Variants in PAPPA observed in about 807,000 individuals in gnomAD.
PAPPA encodes pappalysin-1.
Under a neutral mutation model 164.0 loss-of-function variants are expected in PAPPA, and 60 were observed. That is an observed-to-expected ratio of 0.37 (90% confidence interval 0.30 to 0.45). PAPPA has a LOEUF of 0.45. PAPPA is among the 20% of genes least tolerant of loss of function. The probability of loss-of-function intolerance (pLI) is 1.00; values close to 1 mark genes in which losing one functional copy is unlikely to be tolerated. For missense variants in PAPPA, 1,782 were observed against 2,087.3 expected, an observed-to-expected ratio of 0.85 and a Z score of 2.85; for synonymous variants, 875 against 814.1, an observed-to-expected ratio of 1.07 and a Z score of -1.27.
chr9:116,160,446 C>T (rs1191749736), intron 1 of PAPPA, among the ~76,000 whole-genome samples: 1 of 152,228 alleles, frequency 6.6e-6, no homozygotes. Flanking sequence ...GAAAGGGAAG[C>T]TCAGCTCTAA....
intron 10 of PAPPA, among the ~76,000 whole-genome samples, chr9:116,319,842 C>T (rs1050926136): frequency 3.3e-5 from 5 of 152,080 alleles, no homozygotes; most frequent in Admixed American, 6.5e-5. Flanking sequence ...ACTGGCTTCC[C>T]GGGAATGTGG....
At chr9:116,301,078 A>G (rs937516751) in intron 9 of PAPPA, among the ~76,000 whole-genome samples, 2 of 152,022 alleles carry the variant, frequency 1.3e-5, no homozygotes, top group African/African-American at 2.4e-5. Flanking sequence ...TTTGGCCCTA[A>G]ATTCAGTGCC....
chr9:116,354,764 T>C (rs1315382667), intron 17 of PAPPA, among the ~76,000 whole-genome samples: 1 of 152,180 alleles, frequency 6.6e-6, no homozygotes, highest in Admixed American at 6.5e-5. Flanking sequence ...TTTCCTGTTT[T>C]AATTCCTGTG....
chr9:116,175,236 G>A (rs967934838), intron 1 of PAPPA, among the ~76,000 whole-genome samples: 2 of 152,136 alleles, frequency 1.3e-5, no homozygotes, highest in African/African-American at 4.8e-5. Context: ...AAATCAGGGC[G>A]CCCTCCAGTA....
intron 8 of PAPPA, among the ~76,000 whole-genome samples, chr9:116,268,395 A>G (rs944250684): frequency 6.6e-6 from 1 of 152,248 alleles, no homozygotes; most frequent in African/African-American, 2.4e-5. Flanking sequence ...TTGAACAACT[A>G]AACAGAGGAC....
chr9:116,273,643 G>A (rs1278726898), intron 9 of PAPPA, among the ~76,000 whole-genome samples: 4 of 151,966 alleles, frequency 2.6e-5, no homozygotes, highest in African/African-American at 4.8e-5. Flanking sequence ...GAGTGGTGGC[G>A]GGCACCCATA....
At chr9:116,197,816 G>A (rs989582493) in intron 2 of PAPPA, among the ~76,000 whole-genome samples, 2 of 152,154 alleles carry the variant, frequency 1.3e-5, no homozygotes, top group Non-Finnish European at 2.9e-5. Context: ...ATGGGACTAT[G>A]GTCCAGATTA....
intron 10 of PAPPA, 114 bp downstream of exon 10, chr9:116,303,064 C>G (rs1482415204): frequency 1.3e-6 from 1 of 758,644 alleles, no homozygotes; most frequent in African/African-American, 1.8e-5. Flanking sequence ...TTGAGCATAT[C>G]TTTATTAAAT....
rs1554750322 is a variant in PAPPA at position 116,305,176 on chromosome 9, C to CACACAT, written c.3147+2226_3147+2227insACACAT. ...ACACACACACACACACACACACACA[C>CACACAT]GGAGTCTGCATAATTAGAGGTAAAG... On this transcript the variant is annotated intron_variant, in intron 10 of 21. Coordinates refer to ENST00000328252, the MANE Select transcript of PAPPA (RefSeq NM_002581.5). 5.2e-4 allele frequency among the ~76,000 whole-genome samples: 77 copies of CACACAT among 149,382 alleles called. 1 individual carries two copies. Among genetic ancestry groups the CACACAT allele is most frequent in the Middle Eastern group, 3.6e-3 (1 of 278 alleles).
chr9:116,282,915 C>G (rs915529462), intron 9 of PAPPA, among the ~76,000 whole-genome samples: 1 of 152,188 alleles, frequency 6.6e-6, no homozygotes, highest in Non-Finnish European at 1.5e-5. Context: ...CACTGACTTT[C>G]TCTAAGCCAA....
At position 116,154,872 on chromosome 9, in the gene PAPPA, C is replaced by G. The variant is rs1843582873; in HGVS notation, c.415+285C>G. On this transcript the variant is annotated intron_variant, in intron 1 of 21. Transcript: ENST00000328252. This position sits in a 1 kb window ranked among gnomAD's most constrained non-coding sequence, Gnocchi z 5.2. ...GGCCAGTGAGGGCTGGTTCCCGGAG[C>G]CTAGGGCACGTAACCCGTGCTCCGA... Among the ~76,000 whole-genome samples, 1 of 152,200 alleles carries G rather than the reference C, an allele frequency of 6.6e-6. No individual in the cohort carries two copies. Among genetic ancestry groups the G allele is most frequent in the Admixed American group, 6.5e-5 (1 of 15,290 alleles).
chr9:116,282,794 G>A (rs528001936), intron 9 of PAPPA, among the ~76,000 whole-genome samples: 27 of 152,292 alleles, frequency 1.8e-4, no homozygotes, highest in African/African-American at 6.0e-4. Flanking sequence ...AATGCAGGAA[G>A]CTAAAGAAAT....
chr9:116,250,686 A>G (rs1313579913), intron 7 of PAPPA, among the ~76,000 whole-genome samples: 1 of 152,272 alleles, frequency 6.6e-6, no homozygotes, highest in Non-Finnish European at 1.5e-5. Context: ...TCAGACCAGG[A>G]AAGATTATTG....
In PAPPA at chr9:116,257,920, AT is replaced by A. The variant is rs2118795020; in HGVS notation, c.2733-7936del. Among the ~76,000 whole-genome samples, 2 of 152,102 alleles carry A rather than the reference AT, an allele frequency of 1.3e-5. 1 individual carries two copies. Among genetic ancestry groups the A allele is most frequent in the African/African-American group, 4.8e-5 (2 of 41,558 alleles). On this transcript the variant is annotated intron_variant, in intron 7 of 21. Transcript: ENST00000328252. ...AATACAAATAAACCTACACGTAATT[AT>A]GTGTATGTGTGTGTGTGTGTAAATA...
intron 2 of PAPPA, among the ~76,000 whole-genome samples, chr9:116,192,771 CCATTAGAGATGT>C (rs1844059038): frequency 6.6e-6 from 1 of 152,196 alleles, no homozygotes; most frequent in African/African-American, 2.4e-5. Flanking sequence ...TCATCTGCAG[CCATTAGAGATGT>C]CTCCACGCAG....
chr9:116,221,259 A>C (rs1432897718), intron 5 of PAPPA, among the ~76,000 whole-genome samples: 1 of 152,208 alleles, frequency 6.6e-6, no homozygotes, highest in Non-Finnish European at 1.5e-5. Flanking sequence ...AAATAGACCA[A>C]GGTATTTGCA....
intron 17 of PAPPA, among the ~76,000 whole-genome samples, chr9:116,355,008 C>T (rs765958923): frequency 4.6e-5 from 7 of 152,152 alleles, no homozygotes; most frequent in Non-Finnish European, 1.0e-4. Flanking sequence ...CATCTTCCTT[C>T]GCAATTTAGC....
chr9:116,388,353 CA>C (rs958843769), intron 21 of PAPPA, among the ~76,000 whole-genome samples: 2 of 151,818 alleles, frequency 1.3e-5, no homozygotes, highest in South Asian at 2.1e-4. Context: ...CCCTTCATGA[CA>C]AAAAAAATTC....
At chr9:116,365,999 G>A (rs937763400) in intron 18 of PAPPA, among the ~76,000 whole-genome samples, 1 of 152,032 alleles carries the variant, frequency 6.6e-6, no homozygotes, top group African/African-American at 2.4e-5. Context: ...TTTGGAAGGG[G>A]GCCTCTGAAA....
Sources: allele counts gnomAD v4.1 joint callset (sites outside exome capture counted in the v4.1 genomes callset), GRCh38; gene constraint gnomAD v4.1.1; non-coding constraint Gnocchi (gnomAD v3.1); transcripts MANE v1.5; gene names NCBI Gene and HGNC (gene_info 2026-07-23, HGNC 2026-07-21).